TENM3: variants seen among roughly 807,000 people sequenced by gnomAD.
The protein encoded by TENM3 is teneurin-3.
TENM3 carries 63 observed loss-of-function variants against 255.1 expected under a neutral mutation model. That is an observed-to-expected ratio of 0.25 (90% CI 0.20 to 0.30). TENM3 has a LOEUF of 0.30. Among genes scored for constraint, TENM3 ranks in the 10% least tolerant of loss-of-function variants. The probability of loss-of-function intolerance (pLI) is 1.00; values close to 1 mark genes in which losing one functional copy is unlikely to be tolerated. For synonymous variants in TENM3, 1,306 were observed against 1,322.3 expected, an observed-to-expected ratio of 0.99 and a Z score of 0.27; for missense variants, 2,929 against 3,461.1, an observed-to-expected ratio of 0.85 and a Z score of 3.86.
chr4:181,584,423 C>T, the TENM3 span, among the ~76,000 whole-genome samples: 1 of 152,198 alleles, frequency 6.6e-6, no homozygotes, highest in African/African-American at 2.4e-5. Flanking sequence ...TTCTGTATTC[C>T]TTAATCCTAC....
chr4:182,440,312 C>T (rs1441692783), intron 3 of TENM3, among the ~76,000 whole-genome samples: 1 of 152,026 alleles, frequency 6.6e-6, no homozygotes, highest in Non-Finnish European at 1.5e-5. Flanking sequence ...CGGGGTGTCA[C>T]CATCTTGGCC....
chr4:181,447,863 C>G, the TENM3 span, among the ~76,000 whole-genome samples: 1 of 152,126 alleles, frequency 6.6e-6, no homozygotes, highest in South Asian at 2.1e-4. Flanking sequence ...GTCATTCTTT[C>G]AGACACACTT....
At chr4:182,317,317 C>T (rs10003324) in intron 1 of TENM3, among the ~76,000 whole-genome samples, 16,907 of 151,896 alleles carry the variant, frequency 0.11, 1,044 homozygotes, top group African/African-American at 0.16. Context: ...GGTGTTTTTT[C>T]GAGACAGGGT....
the TENM3 span, among the ~76,000 whole-genome samples, chr4:181,941,070 A>C: frequency 1.3e-5 from 2 of 152,240 alleles, no homozygotes; most frequent in East Asian, 1.9e-4. Flanking sequence ...GCTTCAGAAG[A>C]CTGCGAGAAT....
rs1765924250 is a variant in TENM3 at position 182,789,332 on chromosome 4, G to T, written c.5544G>T (p.Arg1848Ser). 3 of 1,613,880 alleles carry T rather than the reference G, an allele frequency of 1.9e-6. No individual in the cohort carries two copies. The highest frequency in any genetic ancestry group is 2.5e-6 in the Non-Finnish European group (3 of 1,179,858). ...SEKVDYDGQG[R>S]IVSRVFADGK... The stretch of plus-strand genomic sequence containing the variant: ...AAGTAGATTATGACGGACAGGGGAG[G>T]ATCGTGTCTCGGGTCTTTGCTGATG... The change falls in exon 25 of 28, where the codon AGG becomes AGT. Residue 1848 changes from arginine (R) to serine (S), a missense_variant. Physicochemically the swap from Arg to Ser is moderately radical, Grantham distance 110. Around this residue, in one of 6 missense-constraint regions of TENM3, gnomAD observed 303 missense variants for 425.2 expected, o/e 0.71. Transcript: ENST00000511685. The surrounding 1 kb of genome is among the most constrained non-coding windows in gnomAD (Gnocchi z 4.4).
the TENM3 span, among the ~76,000 whole-genome samples, chr4:181,939,709 C>T: frequency 2.0e-5 from 3 of 152,134 alleles, no homozygotes; most frequent in African/African-American, 4.8e-5. Context: ...GGTTGGGGTG[C>T]GGGGCGCTCA....
the TENM3 span, among the ~76,000 whole-genome samples, chr4:181,675,350 G>T: frequency 6.6e-6 from 1 of 151,980 alleles, no homozygotes; most frequent in African/African-American, 2.4e-5. Context: ...TAATAAATAT[G>T]AATGTTTTAT....
the TENM3 span, among the ~76,000 whole-genome samples, chr4:181,461,329 G>A: frequency 6.6e-6 from 1 of 151,760 alleles, no homozygotes; most frequent in African/African-American, 2.4e-5. Flanking sequence ...TTGCTATTTA[G>A]CAATTTGATT....
chr4:182,615,562 A>G (rs1021296740), intron 4 of TENM3, among the ~76,000 whole-genome samples: 5 of 152,190 alleles, frequency 3.3e-5, no homozygotes, highest in Non-Finnish European at 5.9e-5. Context: ...AGAAGACCCA[A>G]AAGGAAATAG....
chr4:182,050,016 G>A, the TENM3 span, among the ~76,000 whole-genome samples: 667 of 143,994 alleles, frequency 4.6e-3, 3 homozygotes, highest in African/African-American at 0.015. Context: ...TTTTTGAGGC[G>A]GAGTCTCACT....
the TENM3 span, among the ~76,000 whole-genome samples, chr4:181,680,899 T>C: frequency 6.6e-6 from 1 of 152,104 alleles, no homozygotes; most frequent in Non-Finnish European, 1.5e-5. Flanking sequence ...TCCATGCAGG[T>C]AAATACTGAA....
At chr4:181,512,703 G>A in the TENM3 span, among the ~76,000 whole-genome samples, 2 of 151,986 alleles carry the variant, frequency 1.3e-5, no homozygotes, top group Non-Finnish European at 2.9e-5. Flanking sequence ...GCTTATCTAC[G>A]GCACCTAAAA....
intron 1 of TENM3, among the ~76,000 whole-genome samples, chr4:182,181,355 T>G (rs1040989347): frequency 6.6e-6 from 1 of 152,150 alleles, no homozygotes; most frequent in Non-Finnish European, 1.5e-5. Context: ...TCCCCAAATC[T>G]TCTGCTGAAA....
chr4:181,883,530 T>G, the TENM3 span, among the ~76,000 whole-genome samples: 1 of 152,144 alleles, frequency 6.6e-6, no homozygotes, highest in Non-Finnish European at 1.5e-5. Context: ...GCTGGAGTGC[T>G]GTGGTGCGAT....
chr4:181,936,574 C>T, the TENM3 span, among the ~76,000 whole-genome samples: 1 of 152,022 alleles, frequency 6.6e-6, no homozygotes, highest in African/African-American at 2.4e-5. Context: ...GATGTTGGTG[C>T]CAGCCATCTG....
chr4:181,685,129 T>A, the TENM3 span, among the ~76,000 whole-genome samples: 1 of 152,078 alleles, frequency 6.6e-6, no homozygotes, highest in African/African-American at 2.4e-5. Context: ...CAGGAGTCAA[T>A]TAAGTGTGCA....
At chr4:182,252,008 C>G (rs910352282) in intron 1 of TENM3, among the ~76,000 whole-genome samples, 29 of 151,996 alleles carry the variant, frequency 1.9e-4, no homozygotes, top group African/African-American at 7.0e-4. Context: ...CATGGTGAAA[C>G]CCCATCTCTA....
chr4:181,868,271 C>T, the TENM3 span, among the ~76,000 whole-genome samples: 2 of 152,026 alleles, frequency 1.3e-5, no homozygotes, highest in African/African-American at 2.4e-5. Context: ...CACCTCCCTT[C>T]CCTCACCCCA....
chr4:182,638,743 G>A, intron 5 of TENM3, among the ~76,000 whole-genome samples: 1 of 152,172 alleles, frequency 6.6e-6, no homozygotes, highest in East Asian at 1.9e-4. Flanking sequence ...GGCTGGCTCT[G>A]TCCTGGGATT....
Sources: allele counts gnomAD v4.1 joint callset (sites outside exome capture counted in the v4.1 genomes callset), GRCh38; gene constraint gnomAD v4.1.1; regional missense constraint gnomAD v4.1.1; non-coding constraint Gnocchi (gnomAD v3.1); transcripts MANE v1.5; gene names NCBI Gene and HGNC (gene_info 2026-07-23, HGNC 2026-07-21).